Variants in RERE observed in about 807,000 individuals in gnomAD.
The protein encoded by RERE is arginine-glutamic acid dipeptide repeats.
RERE carries 40 observed loss-of-function variants against 146.1 expected under a neutral mutation model. That is an observed-to-expected ratio of 0.27 (90% CI 0.21 to 0.36). The LOEUF (loss-of-function observed/expected upper bound fraction) is 0.36, where lower values mean the gene tolerates loss of function less well. RERE is among the 10% of genes least tolerant of loss of function. RERE has a pLI of 1.00. For missense variants in RERE, 1,933 were observed against 2,138.7 expected, an observed-to-expected ratio of 0.90 and a Z score of 1.90; for synonymous variants, 1,003 against 866.0, an observed-to-expected ratio of 1.16 and a Z score of -2.78.
rs1163013871 is a variant in RERE at position 8,663,631 on chromosome 1, CCCA to C, written c.-144-7193_-144-7191del. On this transcript the variant is annotated intron_variant, in intron 1 of 22. Transcript: ENST00000400908. ...GCCAGCCAGCCAGCATATCTGACGTCCCACCACTTTTTTTCATAATAGCTCAAT... is the reference window on the plus strand; with the variant it reads ...GCCAGCCAGCCAGCATATCTGACGTCCCACTTTTTTTCATAATAGCTCAAT... Among the ~76,000 whole-genome samples, 6 of 152,152 alleles carry C rather than the reference CCCA, an allele frequency of 3.9e-5. No individual in the cohort carries two copies. The South Asian group carries it at 1.0e-3, about 26-fold the overall frequency.
At position 8,495,094 on chromosome 1, in the gene RERE, C is replaced by T. The variant is rs1645028574; in HGVS notation, c.1073G>A (p.Arg358Gln). Residue 358 changes from arginine to glutamine, a missense_variant, in exon 10 of 23, where the codon CGG (arginine) becomes CAG (glutamine). Around this residue, in one of 11 missense-constraint regions of RERE, gnomAD observed 260 missense variants for 378.4 expected, o/e 0.69. Transcript: ENST00000400908. ...CAGTGCATTCAGAGTGGTGTCATCC[C>T]GAGAGGCTGCGACACAGCCGTCCTC... The part of the protein sequence containing the change: ...STEDGCVAAS[R>Q]DDTTLNALNT... 8 of 1,613,650 alleles carry T rather than the reference C, an allele frequency of 5.0e-6. No homozygotes were observed. Among genetic ancestry groups the T allele is most frequent in the South Asian group, 4.4e-5 (4 of 91,062 alleles).
intron 3 of RERE, among the ~76,000 whole-genome samples, chr1:8,619,110 T>C (rs1646888790): frequency 1.3e-5 from 2 of 152,242 alleles, no homozygotes; most frequent in Non-Finnish European, 2.9e-5. Context: ...ACAGCAATAA[T>C]GGAAATGTGC....
chr1:8,488,101 A>C (rs1644928049), intron 10 of RERE, among the ~76,000 whole-genome samples: 1 of 151,832 alleles, frequency 6.6e-6, no homozygotes, highest in Non-Finnish European at 1.5e-5. Context: ...AAAAAAAAAA[A>C]ATCAAAGACA....
intron 8 of RERE, among the ~76,000 whole-genome samples, chr1:8,507,734 TA>T (rs1430489925): frequency 9.6e-6 from 1 of 104,548 alleles, no homozygotes; most frequent in African/African-American, 4.3e-5. Context: ...AAACATCTTT[TA>T]TCTTTTTTTT....
intron 11 of RERE, among the ~76,000 whole-genome samples, chr1:8,429,346 T>C (rs1346385776): frequency 1.3e-5 from 2 of 152,200 alleles, no homozygotes; most frequent in African/African-American, 2.4e-5. Context: ...GATGTGATGA[T>C]GTGGCTGCTG....
At chr1:8,671,880 T>C (rs746945841) in intron 1 of RERE, among the ~76,000 whole-genome samples, 3 of 152,138 alleles carry the variant, frequency 2.0e-5, no homozygotes, top group African/African-American at 4.8e-5. Context: ...AAGTAAGTGA[T>C]ATGAAAAGGT....
At chr1:8,716,700 T>G (rs1557500061) in intron 1 of RERE, among the ~76,000 whole-genome samples, 1 of 152,014 alleles carries the variant, frequency 6.6e-6, no homozygotes, top group Non-Finnish European at 1.5e-5. Flanking sequence ...AATTAAAAAT[T>G]AACACAAATG....
chr1:8,376,950 TATTC>T (rs923227904), intron 12 of RERE, among the ~76,000 whole-genome samples: 47 of 152,268 alleles, frequency 3.1e-4, no homozygotes, highest in Admixed American at 3.1e-3. Context: ...AAAAAAATTA[TATTC>T]ATTGATCAAG....
chr1:8,791,916 G>C (rs1317525538), intron 1 of RERE, among the ~76,000 whole-genome samples: 1 of 152,086 alleles, frequency 6.6e-6, no homozygotes, highest in Non-Finnish European at 1.5e-5. Flanking sequence ...ATCATCAACA[G>C]AACAGGTGAA....
chr1:8,485,799 T>C (rs1450632488), intron 10 of RERE, among the ~76,000 whole-genome samples: 6 of 19,452 alleles, frequency 3.1e-4, no homozygotes, highest in Non-Finnish European at 5.8e-4. Flanking sequence ...ACAATCACTT[T>C]TTTTTTTTTT....
At chr1:8,599,341 G>A (rs961584184) in intron 4 of RERE, among the ~76,000 whole-genome samples, 5 of 152,136 alleles carry the variant, frequency 3.3e-5, no homozygotes, top group Non-Finnish European at 5.9e-5. Context: ...TCCTTCATAC[G>A]GGAAAAACAT....
At chr1:8,392,690 A>T (rs549267189) in intron 12 of RERE, among the ~76,000 whole-genome samples, 1 of 152,216 alleles carries the variant, frequency 6.6e-6, no homozygotes, top group South Asian at 2.1e-4. Context: ...CCCTCAAGAG[A>T]TATGGTCAGC....
chr1:8,546,848 CAAAACAAAAAAAA>C lies in RERE; in HGVS notation c.726-5543_726-5531del, dbSNP rs531365473. On this transcript the variant is annotated intron_variant, in intron 6 of 22. Transcript: ENST00000400908. ...GACAGAGCAAGACTTCGTCTCAAAA[CAAAACAAAAAAAA>C]AAAACAAAAAAAATTAAGATTATTA... 6.2e-3 allele frequency among the ~76,000 whole-genome samples: 645 copies of C among 104,582 alleles called. 4 individuals carry two copies. Among genetic ancestry groups the C allele is most frequent in the African/African-American group, 0.023 (598 of 26,410 alleles). The allele number at this position is 104,582 out of a possible 152,430, so 68.6% of individuals were successfully genotyped here.
At chr1:8,565,043 G>A (rs1376007945) in intron 4 of RERE, among the ~76,000 whole-genome samples, 2 of 152,130 alleles carry the variant, frequency 1.3e-5, no homozygotes, top group African/African-American at 4.8e-5. Context: ...TCACAGAAGT[G>A]AAGAGAAGTG....
At position 8,429,176 on chromosome 1, in the gene RERE, G is replaced by T. The variant is rs146333207; in HGVS notation, c.1204-6369C>A. 1.7e-4 allele frequency among the ~76,000 whole-genome samples: 26 copies of T among 152,300 alleles called. No individual in the cohort carries two copies. The East Asian group carries it at 4.8e-3, about 28-fold the overall frequency. ...TTAATCATCACAACAACCTTATGAG[G>T]CAGAGGCTACTGCTATTCCCATCTT... On this transcript the variant is annotated intron_variant, in intron 11 of 22. Transcript: ENST00000400908.
chr1:8,654,625 GT>G (rs1457159066), intron 2 of RERE, among the ~76,000 whole-genome samples: 1 of 148,130 alleles, frequency 6.8e-6, no homozygotes, highest in Admixed American at 6.8e-5. Flanking sequence ...AAAGGATCTT[GT>G]TTTGTTTTTT....
intron 1 of RERE, among the ~76,000 whole-genome samples, chr1:8,804,795 G>A (rs192035652): frequency 6.6e-6 from 1 of 152,260 alleles, no homozygotes; most frequent in Non-Finnish European, 1.5e-5. Flanking sequence ...GTCCCCTAAT[G>A]AGCATGAAGG....
intron 1 of RERE, among the ~76,000 whole-genome samples, chr1:8,722,868 G>A (rs1279291767): frequency 6.6e-6 from 1 of 152,060 alleles, no homozygotes; most frequent in Non-Finnish European, 1.5e-5. Flanking sequence ...CGATGGTCCT[G>A]GAACCAATCC....
At chr1:8,675,738 T>TATACATACATACATACATAC (rs59265268) in intron 1 of RERE, among the ~76,000 whole-genome samples, 12 of 147,892 alleles carry the variant, frequency 8.1e-5, no homozygotes, top group African/African-American at 2.2e-4. Flanking sequence ...TACATACATA[T>TATACATACATACATACATAC]ATACATACAT....
Sources: allele counts gnomAD v4.1 joint callset (sites outside exome capture counted in the v4.1 genomes callset), GRCh38; gene constraint gnomAD v4.1.1; regional missense constraint gnomAD v4.1.1; transcripts MANE v1.5; gene names NCBI Gene and HGNC (gene_info 2026-07-23, HGNC 2026-07-21).